The following SNX2 variants were observed in gnomAD, a reference collection of about 807,000 sequenced individuals.
SNX2 encodes the protein sorting nexin 2.
Under a neutral mutation model 69.9 loss-of-function variants are expected in SNX2, and 25 were observed. The ratio of observed to expected loss-of-function variants is 0.36; its 90% CI spans 0.26 to 0.50. The LOEUF (loss-of-function observed/expected upper bound fraction) is 0.50. SNX2 is among the 20% of genes least tolerant of loss of function. The pLI is 0.97. For missense variants in SNX2, 551 were observed against 613.3 expected (o/e 0.90, Z 1.07); for synonymous variants, 229 against 200.4 (o/e 1.14, Z -1.20).
intron 1 of SNX2, among the ~76,000 whole-genome samples, chr5:122,788,772 T>C (rs1041014458): frequency 3.3e-4 from 51 of 152,308 alleles, no homozygotes; most frequent in African/African-American, 1.2e-3. Flanking sequence ...AGCTTTCTTT[T>C]TTTGCAGCAG....
chr5:122,796,723 A>AT (rs764905246), intron 2 of SNX2, among the ~76,000 whole-genome samples: 1 of 152,048 alleles, frequency 6.6e-6, no homozygotes, highest in Admixed American at 6.6e-5. Context: ...TAAATTATCC[A>AT]TTTTTTTAAA....
At chr5:122,823,779 CGTGTGTGTGTGTGTGT>C (rs10559762) in intron 11 of SNX2, among the ~76,000 whole-genome samples, 3 of 145,828 alleles carry the variant, frequency 2.1e-5, no homozygotes, top group Non-Finnish European at 3.0e-5. Flanking sequence ...AACATGTGGT[CGTGTGTGTGTGTGTGT>C]GTGTGTGTGT....
At position 122,788,244 on chromosome 5, in the gene SNX2, C is replaced by T. The variant is rs193294285; in HGVS notation, c.109-7022C>T. Among the ~76,000 whole-genome samples the T allele has an allele frequency of 2.2e-3, 333 of 152,320 alleles. 1 individual carries two copies. The highest frequency in any genetic ancestry group is 3.8e-3 in the African/African-American group (159 of 41,570). ...TTTGTGGTTTCTGATGAGAAATCCA[C>T]AGTTGTTTGAATTGGTATTCCCCTG... On this transcript the variant is annotated intron_variant, in intron 1 of 14. Transcript: ENST00000379516.
chr5:122,827,655 T>C lies in SNX2; in HGVS notation c.1509+9T>C. The C allele has an allele frequency of 6.3e-7, 1 of 1,595,448 alleles. No homozygotes were observed. Among genetic ancestry groups the C allele is most frequent in the Non-Finnish European group, 8.6e-7 (1 of 1,166,194 alleles). On this transcript the variant is annotated intron_variant, in intron 14 of 14. Coordinates refer to ENST00000379516, the MANE Select transcript of SNX2 (RefSeq NM_003100.4). Reference sequence around the variant, plus strand: ...TTCAAACACAACAACAGGTAAGCCATTTTTGTTTATAACTTAAACTTCTAG... The same window carrying C: ...TTCAAACACAACAACAGGTAAGCCACTTTTGTTTATAACTTAAACTTCTAG...
intron 6 of SNX2, among the ~76,000 whole-genome samples, chr5:122,805,162 C>T (rs1047867955): frequency 6.6e-6 from 1 of 151,762 alleles, no homozygotes; most frequent in Non-Finnish European, 1.5e-5. Flanking sequence ...ATGGTGGCTC[C>T]TGCCTGTAAT....
intron 11 of SNX2, among the ~76,000 whole-genome samples, chr5:122,822,997 A>G (rs1194894422): frequency 6.6e-6 from 1 of 152,244 alleles, no homozygotes; most frequent in Non-Finnish European, 1.5e-5. Context: ...TAACTGAATT[A>G]CAATATGATA....
At chr5:122,807,331 A>G (rs924877785) in intron 6 of SNX2, among the ~76,000 whole-genome samples, 11 of 152,128 alleles carry the variant, frequency 7.2e-5, no homozygotes, top group Admixed American at 6.5e-4. Context: ...ATACATTACC[A>G]CAGTCAATTT....
chr5:122,797,701 A>G (rs530651291), intron 2 of SNX2, among the ~76,000 whole-genome samples: 1 of 152,310 alleles, frequency 6.6e-6, no homozygotes, highest in South Asian at 2.1e-4. Flanking sequence ...TGACATTGAC[A>G]TAATCAGTTC....
intron 1 of SNX2, among the ~76,000 whole-genome samples, chr5:122,781,585 A>T (rs1172558510): frequency 2.0e-5 from 3 of 152,148 alleles, no homozygotes; most frequent in Non-Finnish European, 2.9e-5. Flanking sequence ...AAACTGCCAA[A>T]CTATTTTCAA....
intron 1 of SNX2, among the ~76,000 whole-genome samples, chr5:122,778,051 C>T (rs1171569011): frequency 3.3e-5 from 5 of 152,192 alleles, no homozygotes; most frequent in Admixed American, 6.5e-5. Flanking sequence ...TTAACTTTTA[C>T]ATATGAGTAG....
chr5:122,808,385 C>T (rs1243731020), intron 7 of SNX2, 30 bp downstream of exon 7: 6 of 1,425,884 alleles, frequency 4.2e-6, no homozygotes, highest in African/African-American at 1.4e-5. Flanking sequence ...TTTTATTACT[C>T]TCATGTTTGT....
At chr5:122,816,727 A>AT (rs1036781965) in intron 8 of SNX2, among the ~76,000 whole-genome samples, 188 bp from the exon 9 acceptor site, 3 of 150,366 alleles carry the variant, frequency 2.0e-5, no homozygotes, top group African/African-American at 7.3e-5. Flanking sequence ...TCCTTTGAGA[A>AT]TGTACAAGTA....
chr5:122,822,931 A>AT (rs1443845541), intron 11 of SNX2, among the ~76,000 whole-genome samples: 1 of 152,246 alleles, frequency 6.6e-6, no homozygotes, highest in East Asian at 1.9e-4. Context: ...TTCTTTGGCT[A>AT]TAAATACTCA....
At chr5:122,799,929 A>C in intron 3 of SNX2, 74 bp downstream of exon 3, 2 of 1,158,064 alleles carry the variant, frequency 1.7e-6, no homozygotes, top group Non-Finnish European at 2.4e-6. Flanking sequence ...CTCTGCTGTT[A>C]GTCATTTCTA....
At chr5:122,799,911 C>A in intron 3 of SNX2, 56 bp downstream of exon 3, 1 of 1,312,010 alleles carries the variant, frequency 7.6e-7, no homozygotes, top group Non-Finnish European at 1.1e-6. Flanking sequence ...TTTCCCCACC[C>A]AACATCACTC....
In SNX2 at chr5:122,829,729, T is replaced by C; in HGVS notation, c.*81T>C. 1 of 1,133,834 alleles carries C rather than the reference T, an allele frequency of 8.8e-7. No individual in the cohort carries two copies. The highest frequency in any genetic ancestry group is 1.2e-5 in the South Asian group (1 of 80,064). The allele number at this position is 1,133,834 out of a possible 1,614,324, so 70.2% of individuals were successfully genotyped here. A position where few individuals can be genotyped will look rare whatever the true frequency, so the allele number is the denominator to read the frequency against. On this transcript the variant is annotated 3_prime_UTR_variant, in exon 15 of 15. Coordinates refer to ENST00000379516, the MANE Select transcript of SNX2 (RefSeq NM_003100.4). ...TCCACAGTGAAATCATTTAAAACCA[T>C]CTAAATAAACCACTATATATTTTAT...
Position 122,792,139 on chromosome 5 carries a change from C to T in SNX2, c.109-3127C>T, listed in dbSNP as rs59990107. Among the ~76,000 whole-genome samples, 8 of 152,084 alleles carry T rather than the reference C, an allele frequency of 5.3e-5. No individual in the cohort carries two copies. In the East Asian group the frequency reaches 1.2e-3, roughly 22 times the overall value. Reference sequence around the variant, plus strand: ...ATTTGGGACTTTAAGAATTAGTTCTCGAGAGAAAAGAAAGCCTCTTTAAAT... The same window carrying T: ...ATTTGGGACTTTAAGAATTAGTTCTTGAGAGAAAAGAAAGCCTCTTTAAAT... On this transcript the variant is annotated intron_variant, in intron 1 of 14. Coordinates refer to ENST00000379516, the MANE Select transcript of SNX2 (RefSeq NM_003100.4).
chr5:122,803,678 A>G (rs1753565013), intron 6 of SNX2, 65 bp downstream of exon 6: 1 of 1,276,356 alleles, frequency 7.8e-7, no homozygotes, highest in Non-Finnish European at 1.1e-6. Context: ...AACTGTATAG[A>G]TTTGTGGATT....
At chr5:122,807,569 C>T (rs1285092763) in intron 6 of SNX2, among the ~76,000 whole-genome samples, 1 of 152,114 alleles carries the variant, frequency 6.6e-6, no homozygotes, top group Non-Finnish European at 1.5e-5. Context: ...CATGTTGTAG[C>T]ATATATCAAT....
Sources: gnomAD v4.1 joint callset for allele counts (sites outside exome capture counted in the v4.1 genomes callset) on GRCh38, gnomAD v4.1.1 for gene constraint, MANE v1.5 for transcripts, NCBI Gene and HGNC (gene_info 2026-07-23, HGNC 2026-07-21) for gene names.